The following EFCAB8 variants were observed in gnomAD, a reference collection of about 807,000 sequenced individuals.
The protein encoded by EFCAB8 is EF-hand calcium binding domain 8.
Under a neutral mutation model 116.3 loss-of-function variants are expected in EFCAB8, and 100 were observed. That is an observed-to-expected ratio of 0.86 (90% confidence interval 0.73 to 1.02). The LOEUF is 1.02. EFCAB8 is among the 50% of genes least tolerant of loss of function. EFCAB8 has a pLI of 0.00. For synonymous variants in EFCAB8, 558 were observed against 567.9 expected (o/e 0.98, Z 0.25); for missense variants, 1,320 against 1,416.9 (o/e 0.93, Z 1.10).
intron 18 of EFCAB8, 76 bp downstream of exon 18, chr20:32,917,581 G>A: frequency 7.1e-7 from 1 of 1,415,214 alleles, no homozygotes; most frequent in Non-Finnish European, 9.6e-7. Context: ...CAGGGAGGGT[G>A]GGGAGCACCC....
intron 23 of EFCAB8, among the ~76,000 whole-genome samples, chr20:32,957,303 T>C (rs1336509975): frequency 6.7e-6 from 1 of 150,002 alleles, no homozygotes; most frequent in African/African-American, 2.5e-5. Flanking sequence ...ACATGTCATA[T>C]ATACAAAATA....
intron 23 of EFCAB8, among the ~76,000 whole-genome samples, chr20:32,955,469 G>A (rs1036876823): frequency 7.9e-5 from 12 of 152,328 alleles, no homozygotes; most frequent in Admixed American, 6.5e-4. Flanking sequence ...GAGCCCAGGT[G>A]TTTGAGGTTG....
chr20:32,893,066 C>G, intron 8 of EFCAB8, 108 bp from the exon 9 acceptor site: 1 of 1,377,142 alleles, frequency 7.3e-7, no homozygotes, highest in South Asian at 1.3e-5. Context: ...GTCTCGAACT[C>G]CTGACCTCAG....
chr20:32,944,123 T>C (rs1253689384), intron 23 of EFCAB8, among the ~76,000 whole-genome samples: 1 of 152,204 alleles, frequency 6.6e-6, no homozygotes, highest in Non-Finnish European at 1.5e-5. Flanking sequence ...CCAGAAGGGT[T>C]CAGCTTGGTG....
chr20:32,924,150 C>G, intron 20 of EFCAB8, among the ~76,000 whole-genome samples: 1 of 152,120 alleles, frequency 6.6e-6, no homozygotes. Flanking sequence ...ACTTCCCAGG[C>G]TCAAGCGATT....
At position 32,924,366 on chromosome 20, in the gene EFCAB8, A is replaced by C. The variant is rs375735897; in HGVS notation, c.2412+4151A>C. The stretch of plus-strand genomic sequence containing the variant: ...GGCATAAGCCACCATGCCCAGCTAC[A>C]TGTGTTGTTTTTATTTTGTCCATCA... On this transcript the variant is annotated intron_variant, in intron 20 of 26. Coordinates refer to ENST00000400522, the MANE Select transcript of EFCAB8 (RefSeq NM_001143967.2). Among the ~76,000 whole-genome samples, 45 of 152,320 alleles carry C rather than the reference A, an allele frequency of 3.0e-4. 1 individual carries two copies. In the South Asian group the frequency reaches 8.3e-3, roughly 28 times the overall value.
At chr20:32,892,139 G>A in intron 7 of EFCAB8, 74 bp from the exon 8 acceptor site, 2 of 1,298,940 alleles carry the variant, frequency 1.5e-6, no homozygotes, top group South Asian at 1.3e-5. Context: ...GGATAGCAAT[G>A]AGGCTGCTCA....
chr20:32,897,194 C>T (rs1011801521), intron 10 of EFCAB8, among the ~76,000 whole-genome samples: 1 of 152,164 alleles, frequency 6.6e-6, no homozygotes. Context: ...CCCACCTCTG[C>T]TTTCATCCCT....
chr20:32,906,138 C>G (rs1486271602), intron 11 of EFCAB8, among the ~76,000 whole-genome samples: 4 of 152,140 alleles, frequency 2.6e-5, no homozygotes, highest in Non-Finnish European at 4.4e-5. Flanking sequence ...CCTTTCTGTC[C>G]CTCCCTTGGA....
chr20:32,937,093 TATTTTATTTGTAATAAAATTAAGC>T (rs1356590903), intron 22 of EFCAB8, among the ~76,000 whole-genome samples: 5 of 152,206 alleles, frequency 3.3e-5, no homozygotes, highest in African/African-American at 1.2e-4. Context: ...ATATTGTATT[TATTTTATTTGTAATAAAATTAAGC>T]ATTTTATTTT....
At position 32,961,301 on chromosome 20, in the gene EFCAB8, G is replaced by T; in HGVS notation, c.3559G>T (p.Asp1187Tyr). 1.9e-6 allele frequency: 3 copies of T among 1,539,842 alleles called. No homozygotes were observed. Among genetic ancestry groups the T allele is most frequent in the South Asian group, 2.4e-5 (2 of 82,252 alleles). Residue 1187 changes from aspartate (D) to tyrosine (Y), a missense_variant, in exon 27 of 27, where the codon GAT (aspartate) becomes TAT (tyrosine). By Grantham distance (160) the Asp-to-Tyr change is radical. Transcript: ENST00000400522. ...GCCCAGCAGGGAGCAGGCTGTGCTG[G>T]ATACCACGGACAGCACGCCTGCGGC... The part of the protein sequence containing the change: ...LVPSREQAVL[D>Y]TTDSTPAAAS...
At chr20:32,887,459 C>A (rs2146204905) in intron 6 of EFCAB8, among the ~76,000 whole-genome samples, 2 of 152,330 alleles carry the variant, frequency 1.3e-5, no homozygotes, top group Middle Eastern at 3.4e-3. Context: ...CCCTGTAATC[C>A]CAGCTACTTG....
intron 26 of EFCAB8, 119 bp from the exon 27 acceptor site, chr20:32,961,017 A>T: frequency 1.2e-6 from 1 of 849,852 alleles, no homozygotes; most frequent in Non-Finnish European, 1.9e-6. Flanking sequence ...CTCTGGACAC[A>T]CGCCTTCTTG....
chr20:32,885,119 C>G (rs961323631), intron 5 of EFCAB8, among the ~76,000 whole-genome samples: 1 of 132,272 alleles, frequency 7.6e-6, no homozygotes, highest in Non-Finnish European at 1.7e-5. Context: ...CAGCCTCAGG[C>G]TCCACTCTGC....
intron 22 of EFCAB8, among the ~76,000 whole-genome samples, chr20:32,942,591 C>A (rs1988441495): frequency 6.6e-6 from 1 of 151,572 alleles, no homozygotes; most frequent in Non-Finnish European, 1.5e-5. Context: ...ACAAATATCC[C>A]CCCCAATTTG....
intron 10 of EFCAB8, among the ~76,000 whole-genome samples, chr20:32,897,753 C>T (rs1390627799): frequency 6.6e-6 from 1 of 152,134 alleles, no homozygotes; most frequent in African/African-American, 2.4e-5. Flanking sequence ...CTTGGTTTTC[C>T]CTCCAGGTCT....
Position 32,908,391 on chromosome 20 carries a change from C to G in EFCAB8, c.1425C>G (p.Thr475=). 1.6e-6 allele frequency: 2 copies of G among 1,249,960 alleles called. No homozygotes were observed. Among genetic ancestry groups the G allele is most frequent in the African/African-American group, 1.5e-5 (1 of 64,606 alleles). 77.4% of individuals were successfully genotyped at this position (1,249,960 alleles called of 1,614,324 possible). The change falls in exon 14 of 27, where the codon ACC becomes ACG. Residue 475 remains threonine (T), a synonymous_variant. Transcript: ENST00000400522. ...TSAYFFEKDN[T]LICSTYSIGI... is the part of the protein sequence containing the mutation. ...CCTACTTCTTCGAGAAGGACAATAC[C>G]CTCATCTGCAGCACCTACTCAGTGA...
At chr20:32,868,600 G>A (rs1213143463) in intron 3 of EFCAB8, among the ~76,000 whole-genome samples, 1 of 152,178 alleles carries the variant, frequency 6.6e-6, no homozygotes, top group Non-Finnish European at 1.5e-5. Context: ...TTAAACCAAT[G>A]CACGTTTATC....
chr20:32,932,698 C>A (rs1987953580), intron 22 of EFCAB8, among the ~76,000 whole-genome samples: 1 of 152,068 alleles, frequency 6.6e-6, no homozygotes, highest in African/African-American at 2.4e-5. Context: ...CAGCACTATC[C>A]CATTTTAAGG....
Sources: gnomAD v4.1 joint callset for allele counts (sites outside exome capture counted in the v4.1 genomes callset) on GRCh38, gnomAD v4.1.1 for gene constraint, MANE v1.5 for transcripts, NCBI Gene and HGNC (gene_info 2026-07-23, HGNC 2026-07-21) for gene names.